GSK3B: variants seen among roughly 807,000 people sequenced by gnomAD.
The protein encoded by GSK3B is glycogen synthase kinase 3 beta, also known as glycogen synthase kinase-3 beta.
Under a neutral mutation model 56.4 loss-of-function variants are expected in GSK3B, and 15 were observed. The ratio of observed to expected loss-of-function variants is 0.27; its 90% CI spans 0.18 to 0.41. The LOEUF (loss-of-function observed/expected upper bound fraction) is 0.41. Ranked by LOEUF, GSK3B falls within the 10% of genes least tolerant of loss-of-function variation. The pLI is 1.00. For synonymous variants in GSK3B, 181 were observed against 188.9 expected (o/e 0.96, Z 0.34); for missense variants, 300 against 513.4 (o/e 0.58, Z 4.02).
intron 3 of GSK3B, among the ~76,000 whole-genome samples, chr3:119,926,353 CA>C (rs1267786032): frequency 1.6e-4 from 23 of 146,820 alleles, no homozygotes; most frequent in Middle Eastern, 3.4e-3. Context: ...CACACACACA[CA>C]CCCCTATACC....
chr3:120,029,148 C>A, intron 1 of GSK3B: 1 of 693,588 alleles, frequency 1.4e-6, no homozygotes. Flanking sequence ...TAAAAGCTGA[C>A]GGTTGGGATA....
At chr3:120,057,048 G>A (rs1240964600) in intron 1 of GSK3B, among the ~76,000 whole-genome samples, 1 of 152,190 alleles carries the variant, frequency 6.6e-6, no homozygotes, top group East Asian at 1.9e-4. Flanking sequence ...AGGAGGCTGA[G>A]GCATGAGAAT....
intron 2 of GSK3B, among the ~76,000 whole-genome samples, chr3:119,970,806 C>CAAACA (rs2057359347): frequency 2.0e-5 from 3 of 149,860 alleles, no homozygotes; most frequent in South Asian, 4.2e-4. Flanking sequence ...AACAAACAAA[C>CAAACA]AAAAAAAACA....
chr3:119,964,776 G>A (rs987837397), intron 2 of GSK3B, among the ~76,000 whole-genome samples: 1 of 152,058 alleles, frequency 6.6e-6, no homozygotes, highest in African/African-American at 2.4e-5. Flanking sequence ...TCAAAAAAAT[G>A]AAAAACAGTA....
intron 3 of GSK3B, among the ~76,000 whole-genome samples, chr3:119,938,584 C>T (rs1445273749): frequency 6.6e-6 from 1 of 152,046 alleles, no homozygotes; most frequent in African/African-American, 2.4e-5. Flanking sequence ...ACTCCAATTC[C>T]ATTTCGTGAT....
At chr3:119,970,418 C>A (rs2057354396) in intron 2 of GSK3B, among the ~76,000 whole-genome samples, 1 of 151,940 alleles carries the variant, frequency 6.6e-6, no homozygotes, top group Non-Finnish European at 1.5e-5. Flanking sequence ...ATTAGAATAG[C>A]TAAAATTAAA....
intron 2 of GSK3B, among the ~76,000 whole-genome samples, chr3:119,965,990 A>T (rs1217323172): frequency 1.3e-5 from 2 of 152,336 alleles, no homozygotes; most frequent in South Asian, 4.1e-4. Context: ...CGGGGAATCT[A>T]CAGGAAGATA....
At chr3:119,915,213 GA>G (rs2056768862) in intron 5 of GSK3B, among the ~76,000 whole-genome samples, 1 of 151,944 alleles carries the variant, frequency 6.6e-6, no homozygotes, top group African/African-American at 2.4e-5. Flanking sequence ...AAATTTGCAG[GA>G]AAAAGGGTGG....
intron 1 of GSK3B, among the ~76,000 whole-genome samples, chr3:120,080,547 T>A (rs2058410567): frequency 6.6e-6 from 1 of 151,936 alleles, no homozygotes; most frequent in Non-Finnish European, 1.5e-5. Context: ...AAAATTAGTT[T>A]CGGCCAGGTG....
At position 119,822,657 on chromosome 3, in the gene GSK3B, CTT is replaced by C; in HGVS notation, c.*4129_*4130del. ...GACTCTACTGTGCTTCTAGTTGTCT[CTT>C]TTATTTTCAGTGGCTCAGGTTTCTA... On this transcript the variant is annotated 3_prime_UTR_variant, in exon 11 of 11. Coordinates refer to ENST00000264235, the MANE Select transcript of GSK3B (RefSeq NM_001146156.2). The C allele has an allele frequency of 4.4e-6, 1 of 228,870 alleles. No homozygotes were observed. Among genetic ancestry groups the C allele is most frequent in the East Asian group, 6.3e-5 (1 of 15,970 alleles). The allele number at this position is 228,870 out of a possible 1,614,324, so 14.2% of individuals were successfully genotyped here.
chr3:119,909,737 A>G lies in GSK3B; in HGVS notation c.715+2967T>C, dbSNP rs955423778. Among the ~76,000 whole-genome samples the G allele has an allele frequency of 1.4e-4, 22 of 152,348 alleles. 1 individual carries two copies. Among genetic ancestry groups the G allele is most frequent in the Admixed American group, 3.3e-4 (5 of 15,298 alleles). On this transcript the variant is annotated intron_variant, in intron 6 of 10. Transcript: ENST00000264235. The stretch of plus-strand genomic sequence containing the variant: ...GAGAAGGTCAATGATGATTAAAGCT[A>G]ATGGTCTCTATTCAGTTCCTCCTAT...
chr3:119,875,922 G>T (rs924685890), intron 8 of GSK3B, among the ~76,000 whole-genome samples: 2 of 152,024 alleles, frequency 1.3e-5, no homozygotes, highest in South Asian at 2.1e-4. Context: ...CTCCCAGCAA[G>T]ATTACATTTG....
intron 1 of GSK3B, among the ~76,000 whole-genome samples, chr3:120,075,372 C>G (rs2058359680): frequency 6.6e-6 from 1 of 151,860 alleles, no homozygotes; most frequent in South Asian, 2.1e-4. Flanking sequence ...ACTAGAAGTG[C>G]TGGAAGAGCT....
Position 119,829,919 on chromosome 3 carries a change from A to C in GSK3B, c.1196-3064T>G, listed in dbSNP as rs552146719. Among the ~76,000 whole-genome samples, 10 of 152,362 alleles carry C rather than the reference A, an allele frequency of 6.6e-5. 1 individual carries two copies. The highest frequency in any genetic ancestry group is 3.4e-3 in the Middle Eastern group (1 of 294). Reference sequence around the variant, plus strand: ...TATTTTGATTATAAATATCTTTGATATCGAAAGTCACAGTCCTACAGACAT... The same window carrying C: ...TATTTTGATTATAAATATCTTTGATCTCGAAAGTCACAGTCCTACAGACAT... On this transcript the variant is annotated intron_variant, in intron 10 of 10. Coordinates refer to ENST00000264235, the MANE Select transcript of GSK3B (RefSeq NM_001146156.2).
intron 3 of GSK3B, among the ~76,000 whole-genome samples, chr3:119,931,095 G>C (rs557896309): frequency 2.6e-5 from 4 of 152,332 alleles, no homozygotes; most frequent in Admixed American, 1.3e-4. Context: ...ACCATATGTA[G>C]GGAAAACAGT....
At chr3:120,070,300 A>G (rs1376905881) in intron 1 of GSK3B, among the ~76,000 whole-genome samples, 1 of 152,140 alleles carries the variant, frequency 6.6e-6, no homozygotes, top group Non-Finnish European at 1.5e-5. Context: ...GAGGATATAG[A>G]AAGGTAACAA....
chr3:120,078,914 TAC>T (rs57127586), intron 1 of GSK3B, among the ~76,000 whole-genome samples: 3,143 of 138,020 alleles, frequency 0.023, 35 homozygotes, highest in Non-Finnish European at 0.024. Flanking sequence ...GACAGGAAAT[TAC>T]ACACACACAC....
At chr3:119,913,411 ACT>A (rs2056753672) in intron 5 of GSK3B, among the ~76,000 whole-genome samples, 1 of 152,020 alleles carries the variant, frequency 6.6e-6, no homozygotes, top group Non-Finnish European at 1.5e-5. Context: ...ATAAATTCTA[ACT>A]CTGCTATAGT....
chr3:120,079,117 T>C (rs1207340505), intron 1 of GSK3B, among the ~76,000 whole-genome samples: 1 of 150,888 alleles, frequency 6.6e-6, no homozygotes, highest in Non-Finnish European at 1.5e-5. Context: ...AATTTTTGTA[T>C]TTTTGGTAGA....
Sources: gnomAD v4.1 joint callset for allele counts (sites outside exome capture counted in the v4.1 genomes callset) on GRCh38, gnomAD v4.1.1 for gene constraint, MANE v1.5 for transcripts, NCBI Gene and HGNC (gene_info 2026-07-23, HGNC 2026-07-21) for gene names.